Variants in SLC9B1 observed in about 807,000 individuals in gnomAD.
SLC9B1 encodes solute carrier family 9 member B1, also known as sodium/hydrogen exchanger 9B1.
SLC9B1 carries 32 observed loss-of-function variants against 51.7 expected under a neutral mutation model. The observed-to-expected ratio is 0.62, with a 90% CI of 0.47 to 0.83. The LOEUF (loss-of-function observed/expected upper bound fraction) is 0.83, where lower values mean the gene tolerates loss of function less well. SLC9B1 is among the 40% of genes least tolerant of loss of function. The pLI is 0.00. For synonymous variants in SLC9B1, 145 were observed against 212.7 expected (o/e 0.68, Z 2.77); for missense variants, 406 against 613.2 (o/e 0.66, Z 3.57).
intron 3 of SLC9B1, among the ~76,000 whole-genome samples, chr4:102,961,480 T>C (rs1162107932): frequency 6.6e-6 from 1 of 152,292 alleles, no homozygotes; most frequent in African/African-American, 2.4e-5. Context: ...TCTGCTATTT[T>C]TAGCAAGAGG....
chr4:102,891,542 T>G (rs1018971559), intron 11 of SLC9B1: 1 of 152,232 alleles, frequency 6.6e-6, no homozygotes, highest in Non-Finnish European at 1.5e-5. Context: ...AGGCAGGATA[T>G]GTGTTGCATT....
At chr4:102,986,027 T>A (rs960562397) in intron 3 of SLC9B1, among the ~76,000 whole-genome samples, 2 of 152,274 alleles carry the variant, frequency 1.3e-5, no homozygotes, top group Middle Eastern at 3.4e-3. Context: ...ATTTAAAAAA[T>A]TTTATCTTTG....
At chr4:102,909,476 G>T (rs1319490857) in intron 9 of SLC9B1, among the ~76,000 whole-genome samples, 2 of 151,748 alleles carry the variant, frequency 1.3e-5, no homozygotes, top group East Asian at 1.9e-4. Context: ...GGTGGTGTGC[G>T]CCTGTAATCC....
At chr4:102,933,304 A>T (rs1428370376) in intron 6 of SLC9B1, among the ~76,000 whole-genome samples, 1 of 152,100 alleles carries the variant, frequency 6.6e-6, no homozygotes, top group Non-Finnish European at 1.5e-5. Flanking sequence ...AGTGTCTAAT[A>T]GTTTAGCCCA....
intron 7 of SLC9B1, among the ~76,000 whole-genome samples, chr4:102,930,418 A>T (rs561045118): frequency 2.0e-5 from 3 of 152,286 alleles, no homozygotes; most frequent in Non-Finnish European, 4.4e-5. Context: ...ATTATTTTTT[A>T]AATTAAAAAA....
At chr4:102,939,130 C>G (rs116570003) in intron 6 of SLC9B1, among the ~76,000 whole-genome samples, 198 of 149,120 alleles carry the variant, frequency 1.3e-3, no homozygotes, top group African/African-American at 4.8e-3. Context: ...AGGTCACTAG[C>G]TAGACCAATA....
At chr4:102,978,137 C>G (rs894491159) in intron 3 of SLC9B1, among the ~76,000 whole-genome samples, 16 of 152,154 alleles carry the variant, frequency 1.1e-4, no homozygotes, top group Non-Finnish European at 2.2e-4. Flanking sequence ...ACGACATGAA[C>G]TCATCATTTT....
chr4:102,959,524 G>T (rs1280342581), intron 3 of SLC9B1, among the ~76,000 whole-genome samples: 1 of 149,466 alleles, frequency 6.7e-6, no homozygotes, highest in East Asian at 2.0e-4. Context: ...ACATTTTGAG[G>T]AAAGATATTT....
chr4:102,934,054 A>G (rs1050445748), intron 6 of SLC9B1, among the ~76,000 whole-genome samples: 7 of 152,258 alleles, frequency 4.6e-5, no homozygotes, highest in Non-Finnish European at 8.8e-5. Context: ...TATAGGTGTG[A>G]GCCACCATGC....
chr4:102,983,337 A>G (rs1304841645), intron 3 of SLC9B1, among the ~76,000 whole-genome samples: 2 of 152,098 alleles, frequency 1.3e-5, no homozygotes, highest in African/African-American at 4.8e-5. Flanking sequence ...CATGAGAGAT[A>G]TTGGTCTGTA....
At chr4:102,940,373 A>T (rs1161730216) in intron 6 of SLC9B1, among the ~76,000 whole-genome samples, 2 of 152,172 alleles carry the variant, frequency 1.3e-5, no homozygotes, top group Non-Finnish European at 2.9e-5. Context: ...AACAAAAGGA[A>T]AACATTCCAT....
chr4:102,886,880 G>C (rs1275458966), intron 11 of SLC9B1, among the ~76,000 whole-genome samples: 9 of 152,192 alleles, frequency 5.9e-5, no homozygotes, highest in Non-Finnish European at 1.3e-4. Context: ...CTCTGAAAGT[G>C]TTGGGATTAC....
At chr4:103,005,017 G>A (rs1740707244) in intron 1 of SLC9B1, among the ~76,000 whole-genome samples, 1 of 152,042 alleles carries the variant, frequency 6.6e-6, no homozygotes, top group Admixed American at 6.5e-5. Flanking sequence ...CTATAAAGTA[G>A]AAACTACACA....
intron 11 of SLC9B1, chr4:102,885,501 T>C: frequency 2.5e-6 from 3 of 1,178,742 alleles, no homozygotes; most frequent in Non-Finnish European, 2.5e-6. Flanking sequence ...AAATCCCCAG[T>C]TTTGAAGTTC....
chr4:102,970,553 T>C (rs1738703600), intron 3 of SLC9B1, among the ~76,000 whole-genome samples: 1 of 152,090 alleles, frequency 6.6e-6, no homozygotes, highest in South Asian at 2.1e-4. Context: ...ATAAAGACCA[T>C]CGATCCTAGG....
chr4:102,983,462 G>T (rs894893843), intron 3 of SLC9B1, among the ~76,000 whole-genome samples: 13 of 152,226 alleles, frequency 8.5e-5, no homozygotes, highest in Middle Eastern at 3.4e-3. Context: ...TGAGAAAATT[G>T]TATAATTTCA....
chr4:102,964,779 T>C (rs944053232), intron 3 of SLC9B1, among the ~76,000 whole-genome samples: 1 of 152,272 alleles, frequency 6.6e-6, no homozygotes, highest in Admixed American at 6.5e-5. Flanking sequence ...AGCTTATGAA[T>C]AGAAGGGAAC....
intron 3 of SLC9B1, among the ~76,000 whole-genome samples, chr4:102,986,406 T>C (rs910481182): frequency 2.9e-4 from 44 of 152,178 alleles, no homozygotes; most frequent in African/African-American, 8.4e-4. Flanking sequence ...TTTTTCTTTA[T>C]CTTTGACTTT....
chr4:102,990,602 C>G (rs934295922), intron 2 of SLC9B1, among the ~76,000 whole-genome samples: 2 of 151,666 alleles, frequency 1.3e-5, no homozygotes, highest in Non-Finnish European at 2.9e-5. Context: ...CAACAAAACA[C>G]CAGAGTAGAG....
Sources: allele counts gnomAD v4.1 joint callset (sites outside exome capture counted in the v4.1 genomes callset), GRCh38; gene constraint gnomAD v4.1.1; transcripts MANE v1.5; gene names NCBI Gene and HGNC (gene_info 2026-07-23, HGNC 2026-07-21).